The following MGAT1 variants were observed in gnomAD, a reference collection of about 807,000 sequenced individuals.
MGAT1 encodes alpha-1,3-mannosyl-glycoprotein 2-beta-N-acetylglucosaminyltransferase, also known as N-glycosyl-oligosaccharide-glycoprotein N-acetylglucosaminyltransferase I.
MGAT1 carries 14 observed loss-of-function variants against 31.7 expected under a neutral mutation model. The ratio of observed to expected loss-of-function variants is 0.44; its 90% CI spans 0.29 to 0.69. MGAT1 has a LOEUF of 0.69. Ranked by LOEUF, MGAT1 falls within the 30% of genes least tolerant of loss-of-function variation. The pLI is 0.12. For synonymous variants in MGAT1, 338 were observed against 276.0 expected (o/e 1.22, Z -2.23); for missense variants, 557 against 626.0 (o/e 0.89, Z 1.18).
At position 180,788,379 on chromosome 5, in the gene MGAT1, CT is replaced by C. The variant is rs1232668086; in HGVS notation, c.*3254del. Reference sequence around the variant, plus strand: ...CCGAGCCACGCAGCCCCCTCTTCCTCTCCACCCTCACAGGAGACCGCCGGTG... The same window carrying C: ...CCGAGCCACGCAGCCCCCTCTTCCTCCCACCCTCACAGGAGACCGCCGGTG... On this transcript the variant is annotated 3_prime_UTR_variant, in exon 2 of 2. Transcript: ENST00000307826. 2.0e-5 allele frequency: 3 copies of C among 152,714 alleles called. No individual in the cohort carries two copies. The highest frequency in any genetic ancestry group is 4.4e-5 in the Non-Finnish European group (3 of 68,426). The allele number at this position is 152,714 out of a possible 1,614,324, so 9.5% of individuals were successfully genotyped here. A position where few individuals can be genotyped will look rare whatever the true frequency, so the allele number is the denominator to read the frequency against.
At chr5:180,812,055 C>A (rs1156332836) in intron 1 of MGAT1, among the ~76,000 whole-genome samples, 2 of 152,206 alleles carry the variant, frequency 1.3e-5, no homozygotes, top group African/African-American at 4.8e-5. Flanking sequence ...GGACGCTCAC[C>A]ACTTCCTGAA....
rs1767606685 is a variant in MGAT1, at chr5:180,786,949, T to C, written c.*4685A>G. On this transcript the variant is annotated 3_prime_UTR_variant, in exon 2 of 2. Coordinates refer to ENST00000307826, the MANE Select transcript of MGAT1 (RefSeq NM_002406.4). Reference sequence around the variant, plus strand: ...CCTTGGCACTACCCGGCCCCCTTTCTATCAACTGCCCCCGCTCTGCCCGCT... The same window carrying C: ...CCTTGGCACTACCCGGCCCCCTTTCCATCAACTGCCCCCGCTCTGCCCGCT... 1 of 152,320 alleles carries C rather than the reference T, an allele frequency of 6.6e-6. No homozygotes were observed. The highest frequency in any genetic ancestry group is 6.5e-5 in the Admixed American group (1 of 15,282). The allele number at this position is 152,320 out of a possible 1,614,324, so 9.4% of individuals were successfully genotyped here.
upstream of MGAT1, among the ~76,000 whole-genome samples, chr5:180,806,703 C>T (rs1771925874): frequency 6.6e-6 from 1 of 152,218 alleles, no homozygotes; most frequent in African/African-American, 2.4e-5. Flanking sequence ...AGAATCCCTG[C>T]TCTGTTCTCC....
upstream of MGAT1, chr5:180,802,840 G>T (rs948473621): frequency 3.3e-5 from 5 of 151,306 alleles, no homozygotes; most frequent in African/African-American, 7.3e-5. Context: ...GGCGGGCAAC[G>T]TGGCCCTTCC....
chr5:180,795,537 A>C (rs1380904472), intron 1 of MGAT1: 1 of 152,238 alleles, frequency 6.6e-6, no homozygotes, highest in African/African-American at 2.4e-5. Context: ...GGACCAGGAT[A>C]GATGCAACTT....
At chr5:180,814,854 C>T (rs879521552) in intron 1 of MGAT1, among the ~76,000 whole-genome samples, 1 of 151,490 alleles carries the variant, frequency 6.6e-6, no homozygotes, top group Non-Finnish European at 1.5e-5. Flanking sequence ...GCAGGAGAAT[C>T]GCTTGAACCC....
chr5:180,813,715 G>C (rs1772702653), intron 1 of MGAT1, among the ~76,000 whole-genome samples: 1 of 152,134 alleles, frequency 6.6e-6, no homozygotes, highest in Non-Finnish European at 1.5e-5. Flanking sequence ...ATGGTTGTCG[G>C]GCTCTTTATA....
chr5:180,815,597 G>C (rs1772820106), upstream of MGAT1: 1 of 152,032 alleles, frequency 6.6e-6, no homozygotes, highest in Non-Finnish European at 1.5e-5. Context: ...CCTCTCCTTT[G>C]ACCTGGCCAA....
intron 1 of MGAT1, among the ~76,000 whole-genome samples, chr5:180,794,411 T>TATATATA (rs1554130048): frequency 3.5e-5 from 5 of 141,982 alleles, no homozygotes; most frequent in African/African-American, 5.6e-5. Context: ...TTTTTTTTTA[T>TATATATA]TATATATATA....
rs1234706408 is a variant in MGAT1, at chr5:180,786,060, C to A, written c.*5574G>T. 2.0e-5 allele frequency: 3 copies of A among 152,312 alleles called. No individual in the cohort carries two copies. The allele number at this position is 152,312 out of a possible 1,614,324, so 9.4% of individuals were successfully genotyped here. On this transcript the variant is annotated 3_prime_UTR_variant, in exon 2 of 2. Transcript: ENST00000307826. ...TGCCCTCCCTTCCCCTCTCCTGCTT[C>A]CTGGTAGCTGAACCAGGGCAGCATT...
At position 180,787,441 on chromosome 5, in the gene MGAT1, G is replaced by C. The variant is rs963134695; in HGVS notation, c.*4193C>G. ...TATTTCAGAAAGAGGGCAAGCTTCT[G>C]TTCTATACATTTGTATGTTATTTAA... On this transcript the variant is annotated 3_prime_UTR_variant, in exon 2 of 2. Coordinates refer to ENST00000307826, the MANE Select transcript of MGAT1 (RefSeq NM_002406.4). 1 of 152,188 alleles carries C rather than the reference G, an allele frequency of 6.6e-6. No individual in the cohort carries two copies. The highest frequency in any genetic ancestry group is 1.5e-5 in the Non-Finnish European group (1 of 68,032). 9.4% of individuals were successfully genotyped at this position (152,188 alleles called of 1,614,324 possible). A position where few individuals can be genotyped will look rare whatever the true frequency, so the allele number is the denominator to read the frequency against.
chr5:180,787,623 C>G lies in MGAT1; in HGVS notation c.*4011G>C, dbSNP rs1767659806. The G allele has an allele frequency of 6.6e-6, 1 of 152,234 alleles. No individual in the cohort carries two copies. Among genetic ancestry groups the G allele is most frequent in the Non-Finnish European group, 1.5e-5 (1 of 68,044 alleles). 9.4% of individuals were successfully genotyped at this position (152,234 alleles called of 1,614,324 possible). A position where few individuals can be genotyped will look rare whatever the true frequency, so the allele number is the denominator to read the frequency against. Reference sequence around the variant, plus strand: ...AGGGAGCGTGTGCAGTATGTTGTATCTAAAATGAACATGTAATACGAAAAG... The same window carrying G: ...AGGGAGCGTGTGCAGTATGTTGTATGTAAAATGAACATGTAATACGAAAAG... On this transcript the variant is annotated 3_prime_UTR_variant, in exon 2 of 2. Coordinates refer to ENST00000307826, the MANE Select transcript of MGAT1 (RefSeq NM_002406.4).
chr5:180,813,088 ATT>A (rs11307197), intron 1 of MGAT1, among the ~76,000 whole-genome samples: 34 of 144,516 alleles, frequency 2.4e-4, no homozygotes, highest in Admixed American at 5.5e-4. Context: ...TGTGCACGTC[ATT>A]TTTTTTTTTT....
intron 1 of MGAT1, among the ~76,000 whole-genome samples, chr5:180,797,810 A>T (rs1284561669): frequency 4.6e-5 from 7 of 152,250 alleles, no homozygotes; most frequent in Non-Finnish European, 1.0e-4. Context: ...TTGCCATAAG[A>T]GGACATGACA....
chr5:180,808,949 C>T (rs1011062147), exon 2 of MGAT1: 2 of 152,190 alleles, frequency 1.3e-5, no homozygotes, highest in Non-Finnish European at 2.9e-5. Context: ...CAGATACTAT[C>T]CCATCTCTTG....
At position 180,801,341 on chromosome 5, in the gene MGAT1, C is replaced by T. The variant is rs941233792; in HGVS notation, c.-127+1339G>A. Among the ~76,000 whole-genome samples the T allele has an allele frequency of 3.3e-5, 5 of 152,310 alleles. No homozygotes were observed. In the South Asian group the frequency reaches 6.2e-4, roughly 19 times the overall value. Reference sequence around the variant, plus strand: ...TAACAGATTTTCCCTTCTATCTCTGCTTTGCTTAAAGTTAAAAAGCACTAC... The same window carrying T: ...TAACAGATTTTCCCTTCTATCTCTGTTTTGCTTAAAGTTAAAAAGCACTAC... On this transcript the variant is annotated intron_variant, in intron 1 of 1. Coordinates refer to ENST00000307826, the MANE Select transcript of MGAT1 (RefSeq NM_002406.4).
chr5:180,792,109 C>G lies in MGAT1; in HGVS notation c.863G>C (p.Trp288Ser), dbSNP rs1208990929. 1 of 1,613,336 alleles carries G rather than the reference C, an allele frequency of 6.2e-7. No homozygotes were observed. Among genetic ancestry groups the G allele is most frequent in the Non-Finnish European group, 8.5e-7 (1 of 1,179,940 alleles). Reference sequence around the variant, plus strand: ...CTCCGGCCGCCGCATCCAGTCGTCCCAGAAGGCCTTTGGCCACTTGGGCTC... The same window carrying G: ...CTCCGGCCGCCGCATCCAGTCGTCCGAGAAGGCCTTTGGCCACTTGGGCTC... ...ELEPKWPKAF[W>S]DDWMRRPEQR... The change falls in exon 2 of 2, where the codon TGG (tryptophan) becomes TCG (serine). Residue 288 changes from tryptophan (W) to serine (S), a missense_variant. Trp to Ser is a radical substitution (Grantham distance 177). Coordinates refer to ENST00000307826, the MANE Select transcript of MGAT1 (RefSeq NM_002406.4).
chr5:180,807,372 T>C (rs1772006494), upstream of MGAT1, among the ~76,000 whole-genome samples: 1 of 152,084 alleles, frequency 6.6e-6, no homozygotes, highest in Non-Finnish European at 1.5e-5. Flanking sequence ...AAAGCAGGCA[T>C]CTTGGCACAG....
Position 180,788,459 on chromosome 5 carries a change from G to A in MGAT1, c.*3175C>T, listed in dbSNP as rs1032098678. ...GGAATGGCCTGGAAGAGGCCGTAAA[G>A]GCTGGAATGGAACAGTCCAGCCTCA... On this transcript the variant is annotated 3_prime_UTR_variant, in exon 2 of 2. Coordinates refer to ENST00000307826, the MANE Select transcript of MGAT1 (RefSeq NM_002406.4). The A allele has an allele frequency of 1.3e-5, 2 of 152,396 alleles. No individual in the cohort carries two copies. The highest frequency in any genetic ancestry group is 4.8e-5 in the African/African-American group (2 of 41,450). The allele number at this position is 152,396 out of a possible 1,614,324, so 9.4% of individuals were successfully genotyped here.
Sources: gnomAD v4.1 joint callset for allele counts (sites outside exome capture counted in the v4.1 genomes callset) on GRCh38, gnomAD v4.1.1 for gene constraint, MANE v1.5 for transcripts, NCBI Gene and HGNC (gene_info 2026-07-23, HGNC 2026-07-21) for gene names.